The following UBXN7 variants were observed in gnomAD, a reference collection of about 807,000 sequenced individuals.
UBXN7 encodes UBX domain protein 7, also known as UBX domain-containing protein 7.
In UBXN7, 9 loss-of-function variants were observed where a neutral mutation model predicts 58.0. The observed-to-expected ratio is 0.16, with a 90% confidence interval of 0.09 to 0.27. The LOEUF (loss-of-function observed/expected upper bound fraction) is 0.27, where lower values mean the gene tolerates loss of function less well. UBXN7 is among the 10% of genes least tolerant of loss of function. The pLI is 1.00. For synonymous variants in UBXN7, 208 were observed against 205.0 expected (o/e 1.01, Z -0.12); for missense variants, 328 against 599.6 (o/e 0.55, Z 4.73).
At position 196,356,544 on chromosome 3, in the gene UBXN7, A is replaced by G; in HGVS notation, c.*141T>C. 2.3e-6 allele frequency: 2 copies of G among 862,088 alleles called. No homozygotes were observed. The highest frequency in any genetic ancestry group is 1.7e-5 in the African/African-American group (1 of 57,386). 53.4% of individuals were successfully genotyped at this position (862,088 alleles called of 1,614,324 possible). A position where few individuals can be genotyped will look rare whatever the true frequency, so the allele number is the denominator to read the frequency against. ...GAGAAAGAGACTGATTATAGGAGAG[A>G]TCAAGAAATAAGAGAAGGAAGGTGA... On this transcript the variant is annotated 3_prime_UTR_variant, in exon 11 of 11. Transcript: ENST00000296328.
At chr3:196,414,975 C>G (rs1482780273) in intron 1 of UBXN7, among the ~76,000 whole-genome samples, 1 of 152,140 alleles carries the variant, frequency 6.6e-6, no homozygotes, top group Non-Finnish European at 1.5e-5. Context: ...AATATCCCCA[C>G]AGCCAACCTT....
intron 6 of UBXN7, 82 bp downstream of exon 6, chr3:196,371,814 T>A (rs1368689071): frequency 6.6e-7 from 1 of 1,519,292 alleles, no homozygotes. Flanking sequence ...TCTTAATTCA[T>A]TATAACCCAA....
intron 1 of UBXN7, among the ~76,000 whole-genome samples, chr3:196,412,990 G>A (rs1289330974): frequency 6.6e-6 from 1 of 152,040 alleles, no homozygotes; most frequent in African/African-American, 2.4e-5. Context: ...AGAGAGGGAC[G>A]GTGGTAATGG....
chr3:196,401,811 A>G (rs1177109394), intron 3 of UBXN7, among the ~76,000 whole-genome samples: 2 of 136,298 alleles, frequency 1.5e-5, no homozygotes, highest in Non-Finnish European at 3.2e-5. Context: ...AAAGAAAGAA[A>G]AGAAAAGAGA....
At chr3:196,425,410 G>A (rs1730817474) in intron 1 of UBXN7, among the ~76,000 whole-genome samples, 1 of 151,256 alleles carries the variant, frequency 6.6e-6, no homozygotes, top group Non-Finnish European at 1.5e-5. Context: ...CAAATCAGAT[G>A]TAACTCCTTT....
At chr3:196,380,937 C>T (rs1335809463) in intron 5 of UBXN7, among the ~76,000 whole-genome samples, 1 of 152,194 alleles carries the variant, frequency 6.6e-6, no homozygotes, top group Non-Finnish European at 1.5e-5. Flanking sequence ...GAGGGGCGTC[C>T]GCCATTGCTG....
chr3:196,359,937 C>T (rs1311393063), intron 10 of UBXN7, among the ~76,000 whole-genome samples: 1 of 151,928 alleles, frequency 6.6e-6, no homozygotes, highest in Non-Finnish European at 1.5e-5. Context: ...AGCAAAACAG[C>T]CTTACTGCTG....
chr3:196,396,397 A>C (rs1300278435), intron 3 of UBXN7, among the ~76,000 whole-genome samples: 1 of 42,222 alleles, frequency 2.4e-5, no homozygotes, highest in Non-Finnish European at 6.9e-5. Context: ...CCTGTCTCTT[A>C]AAAAAAAAAA....
intron 1 of UBXN7, 48 bp from the exon 2 acceptor site, chr3:196,407,441 AGAC>A (rs1162512773): frequency 2.0e-6 from 3 of 1,511,452 alleles, no homozygotes; most frequent in Non-Finnish European, 2.7e-6. Context: ...AAAAAAAAAA[AGAC>A]AGCCTCTTTC....
intron 1 of UBXN7, among the ~76,000 whole-genome samples, chr3:196,412,233 A>AC (rs1730352848): frequency 9.0e-6 from 1 of 111,206 alleles, no homozygotes; most frequent in Non-Finnish European, 1.9e-5. Flanking sequence ...TTTGTCTCAA[A>AC]AAAAAAAAAA....
At chr3:196,418,129 C>T (rs1358513931) in intron 1 of UBXN7, among the ~76,000 whole-genome samples, 1 of 151,836 alleles carries the variant, frequency 6.6e-6, no homozygotes, top group Non-Finnish European at 1.5e-5. Context: ...CCCAGCTACT[C>T]GGGAGGCTGG....
chr3:196,423,687 C>G (rs1270502069), intron 1 of UBXN7, among the ~76,000 whole-genome samples: 1 of 152,168 alleles, frequency 6.6e-6, no homozygotes, highest in African/African-American at 2.4e-5. Flanking sequence ...CAACCCCCAT[C>G]TGACTTATCC....
chr3:196,423,993 G>A (rs903439871), intron 1 of UBXN7, among the ~76,000 whole-genome samples: 3 of 149,996 alleles, frequency 2.0e-5, no homozygotes, highest in South Asian at 2.1e-4. Flanking sequence ...GGGTTCCAGC[G>A]ATTCACCTGC....
At chr3:196,398,526 T>C (rs1000623059) in intron 3 of UBXN7, among the ~76,000 whole-genome samples, 11 of 152,224 alleles carry the variant, frequency 7.2e-5, no homozygotes, top group Non-Finnish European at 1.5e-4. Context: ...ATCTGTTTCA[T>C]GTCACCACTG....
chr3:196,395,851 C>T (rs112698120), intron 3 of UBXN7, among the ~76,000 whole-genome samples: 60 of 152,064 alleles, frequency 3.9e-4, no homozygotes, highest in African/African-American at 1.4e-3. Flanking sequence ...CTGTGACCTC[C>T]GCCTCCCAGG....
At chr3:196,428,789 T>C (rs556438501) in intron 1 of UBXN7, among the ~76,000 whole-genome samples, 24 of 146,728 alleles carry the variant, frequency 1.6e-4, no homozygotes, top group Non-Finnish European at 2.8e-4. Flanking sequence ...CACTGCACTC[T>C]AGTCTGGGTG....
At chr3:196,415,432 G>A (rs1730451262) in intron 1 of UBXN7, among the ~76,000 whole-genome samples, 2 of 148,714 alleles carry the variant, frequency 1.3e-5, no homozygotes, top group Admixed American at 1.3e-4. Context: ...GATTACAGGC[G>A]TGAGCCACCG....
intron 3 of UBXN7, among the ~76,000 whole-genome samples, chr3:196,397,932 T>C (rs962349229): frequency 6.6e-6 from 1 of 152,228 alleles, no homozygotes; most frequent in Non-Finnish European, 1.5e-5. Flanking sequence ...TAAAACCCAC[T>C]GTACTATGTG....
chr3:196,422,974 T>A (rs1008146754), intron 1 of UBXN7, among the ~76,000 whole-genome samples: 1 of 152,102 alleles, frequency 6.6e-6, no homozygotes, highest in Non-Finnish European at 1.5e-5. Context: ...AACACAATAG[T>A]TTAAGAGCAA....
Sources: allele counts gnomAD v4.1 joint callset (sites outside exome capture counted in the v4.1 genomes callset), GRCh38; gene constraint gnomAD v4.1.1; transcripts MANE v1.5; gene names NCBI Gene and HGNC (gene_info 2026-07-23, HGNC 2026-07-21).